Variants in EFNA5 observed in about 807,000 individuals in gnomAD.
EFNA5 encodes ephrin-A5.
EFNA5 carries 5 observed loss-of-function variants against 22.9 expected under a neutral mutation model. The observed-to-expected ratio is 0.22, with a 90% CI of 0.11 to 0.46. The LOEUF is 0.46. EFNA5 is among the 20% of genes least tolerant of loss of function. The pLI is 0.99. For synonymous variants in EFNA5, 113 were observed against 112.2 expected, an observed-to-expected ratio of 1.01 and a Z score of -0.04; for missense variants, 237 against 293.3, an observed-to-expected ratio of 0.81 and a Z score of 1.40.
intron 1 of EFNA5, among the ~76,000 whole-genome samples, chr5:107,475,628 C>T (rs1341915270): frequency 6.6e-6 from 1 of 152,084 alleles, no homozygotes; most frequent in Non-Finnish European, 1.5e-5. Context: ...GGGAACAGAG[C>T]CTGAAAAGCC....
At chr5:107,633,547 C>T (rs1580571592) in intron 1 of EFNA5, among the ~76,000 whole-genome samples, 1 of 152,208 alleles carries the variant, frequency 6.6e-6, no homozygotes, top group African/African-American at 2.4e-5. Flanking sequence ...CTTGTGAGCA[C>T]CATCAATTAT....
chr5:107,606,728 T>C (rs533841045), intron 1 of EFNA5, among the ~76,000 whole-genome samples: 1 of 152,280 alleles, frequency 6.6e-6, no homozygotes, highest in Admixed American at 6.5e-5. Flanking sequence ...GGCTACAAAA[T>C]ATCACAGCTG....
intron 1 of EFNA5, among the ~76,000 whole-genome samples, chr5:107,591,842 T>TAA (rs1321144824): frequency 1.0e-5 from 1 of 95,458 alleles, no homozygotes; most frequent in Non-Finnish European, 2.0e-5. Flanking sequence ...TATATATATA[T>TAA]AAAATATATA....
chr5:107,516,086 C>T (rs781329561), intron 1 of EFNA5, among the ~76,000 whole-genome samples: 7 of 152,002 alleles, frequency 4.6e-5, no homozygotes, highest in African/African-American at 7.2e-5. Context: ...CTCACTGCAG[C>T]CTCAAGTAAC....
chr5:107,472,777 CAT>C (rs1750173758), intron 1 of EFNA5, among the ~76,000 whole-genome samples: 1 of 152,178 alleles, frequency 6.6e-6, no homozygotes, highest in East Asian at 1.9e-4. Context: ...AGGTACAACT[CAT>C]GTGGGAGGTA....
chr5:107,495,020 A>G (rs1746935928), intron 1 of EFNA5, among the ~76,000 whole-genome samples: 1 of 152,104 alleles, frequency 6.6e-6, no homozygotes, highest in Admixed American at 6.5e-5. Context: ...CCCTGTCAAA[A>G]CAGACCACTC....
At chr5:107,544,418 T>C (rs1005760011) in intron 1 of EFNA5, among the ~76,000 whole-genome samples, 4 of 152,156 alleles carry the variant, frequency 2.6e-5, no homozygotes, top group Non-Finnish European at 5.9e-5. Flanking sequence ...ATGCATTTTT[T>C]TTTGTGAGTA....
chr5:107,387,236 T>G lies in EFNA5; in HGVS notation c.564A>C (p.Ala188=), dbSNP rs763480769. 1 of 1,602,490 alleles carries G rather than the reference T, an allele frequency of 6.2e-7. No homozygotes were observed. The highest frequency in any genetic ancestry group is 8.5e-7 in the Non-Finnish European group (1 of 1,172,202). ...NDKVENSLEP[A]DDTVHESAEP... ...AAGAGATTCTCTAAGCATACTAACCTGCTGGTTCTAATGAATTTTCTACTT... is the reference window on the plus strand; with the variant it reads ...AAGAGATTCTCTAAGCATACTAACCGGCTGGTTCTAATGAATTTTCTACTT... The change falls in exon 4 of 5, where the codon GCA becomes GCC. Residue 188 remains alanine, a splice_region_variant and synonymous_variant. Coordinates refer to ENST00000333274, the MANE Select transcript of EFNA5 (RefSeq NM_001962.3).
At chr5:107,635,587 C>G (rs532084876) in intron 1 of EFNA5, among the ~76,000 whole-genome samples, 45 of 152,128 alleles carry the variant, frequency 3.0e-4, no homozygotes, top group Non-Finnish European at 5.6e-4. Context: ...CTGACACATA[C>G]CCAAGAAGCA....
rs192476546 is a variant in EFNA5 at position 107,461,170 on chromosome 5, C to T, written c.126-33661G>A. Reference sequence around the variant, plus strand: ...CTTCTAATTCCCAGGTTCCAGGAGACCTTGAAACTCAAAAATAAAAAAGCA... The same window carrying T: ...CTTCTAATTCCCAGGTTCCAGGAGATCTTGAAACTCAAAAATAAAAAAGCA... On this transcript the variant is annotated intron_variant, in intron 1 of 4. Coordinates refer to ENST00000333274, the MANE Select transcript of EFNA5 (RefSeq NM_001962.3). 1.4e-4 allele frequency among the ~76,000 whole-genome samples: 21 copies of T among 152,106 alleles called. No individual in the cohort carries two copies. The East Asian group carries it at 2.5e-3, about 18-fold the overall frequency.
chr5:107,455,742 T>C (rs1480800235), intron 1 of EFNA5, among the ~76,000 whole-genome samples: 2 of 152,304 alleles, frequency 1.3e-5, no homozygotes, highest in South Asian at 2.1e-4. Context: ...CCAGAATGTC[T>C]CTTTCTTTGC....
At chr5:107,549,928 AG>A (rs1748250181) in intron 1 of EFNA5, among the ~76,000 whole-genome samples, 1 of 152,262 alleles carries the variant, frequency 6.6e-6, no homozygotes, top group Admixed American at 6.5e-5. Context: ...GGGATTGGTT[AG>A]TACCTATGGC....
chr5:107,414,051 C>T (rs907038036), intron 2 of EFNA5, among the ~76,000 whole-genome samples: 4 of 152,132 alleles, frequency 2.6e-5, no homozygotes, highest in African/African-American at 9.7e-5. Flanking sequence ...AATTCAGACC[C>T]ATCCATTCCT....
intron 1 of EFNA5, among the ~76,000 whole-genome samples, chr5:107,540,762 A>C (rs1271697246): frequency 6.6e-6 from 1 of 152,242 alleles, no homozygotes; most frequent in East Asian, 1.9e-4. Flanking sequence ...AATTCTGGGA[A>C]TCTACCCTAA....
intron 1 of EFNA5, among the ~76,000 whole-genome samples, chr5:107,505,888 T>A (rs1394375572): frequency 6.6e-6 from 1 of 152,002 alleles, no homozygotes; most frequent in East Asian, 1.9e-4. Flanking sequence ...ATCAGCATCA[T>A]CCCCATTTTC....
chr5:107,469,050 C>T (rs1423134595), intron 1 of EFNA5, among the ~76,000 whole-genome samples: 2 of 152,156 alleles, frequency 1.3e-5, no homozygotes, highest in Non-Finnish European at 2.9e-5. Context: ...CAACTAAGTG[C>T]TTAGCATTTT....
At chr5:107,624,368 G>A (rs559725176) in intron 1 of EFNA5, among the ~76,000 whole-genome samples, 1 of 152,234 alleles carries the variant, frequency 6.6e-6, no homozygotes, top group East Asian at 1.9e-4. Flanking sequence ...CATGATGGCA[G>A]ACATAATAGA....
chr5:107,622,584 T>C (rs1334175171), intron 1 of EFNA5, among the ~76,000 whole-genome samples: 2 of 152,204 alleles, frequency 1.3e-5, no homozygotes, highest in African/African-American at 4.8e-5. Flanking sequence ...TATGCTACTA[T>C]GCTCAACTCC....
intron 1 of EFNA5, among the ~76,000 whole-genome samples, chr5:107,630,797 T>C (rs891830031): frequency 3.3e-5 from 5 of 152,234 alleles, no homozygotes; most frequent in African/African-American, 1.2e-4. Context: ...AAATACATTG[T>C]ACAACTGTAC....
Sources: gnomAD v4.1 joint callset for allele counts (sites outside exome capture counted in the v4.1 genomes callset) on GRCh38, gnomAD v4.1.1 for gene constraint, MANE v1.5 for transcripts, NCBI Gene and HGNC (gene_info 2026-07-23, HGNC 2026-07-21) for gene names.